BATF3: variants seen among roughly 807,000 people sequenced by gnomAD.
BATF3 encodes the protein basic leucine zipper transcriptional factor ATF-like 3.
Under a neutral mutation model 16.1 loss-of-function variants are expected in BATF3, and 8 were observed. The ratio of observed to expected loss-of-function variants is 0.50; its 90% CI spans 0.29 to 0.90. The LOEUF (loss-of-function observed/expected upper bound fraction) is 0.90. BATF3 is among the 40% of genes least tolerant of loss of function. BATF3 has a pLI of 0.08. For synonymous variants in BATF3, 74 were observed against 72.7 expected (o/e 1.02, Z -0.09); for missense variants, 139 against 167.0 (o/e 0.83, Z 0.92).
rs1433353468 is a variant in BATF3, at chr1:212,699,782, C to T, written c.-20G>A. ...CGACATGCCGGGCGCTCCTCTGGCCCGGCCCGCCCCGCCCCGCCCGCGCGC... is the reference window on the plus strand; with the variant it reads ...CGACATGCCGGGCGCTCCTCTGGCCTGGCCCGCCCCGCCCCGCCCGCGCGC... On this transcript the variant is annotated 5_prime_UTR_variant, in exon 1 of 3. Transcript: ENST00000243440. The surrounding 1 kb of genome is among the most constrained non-coding windows in gnomAD (Gnocchi z 4.4). The T allele has an allele frequency of 1.1e-5, 13 of 1,196,136 alleles. No individual in the cohort carries two copies. The highest frequency in any genetic ancestry group is 1.3e-5 in the Non-Finnish European group (13 of 964,822). 74.1% of individuals were successfully genotyped at this position (1,196,136 alleles called of 1,614,324 possible). A position where few individuals can be genotyped will look rare whatever the true frequency, so the allele number is the denominator to read the frequency against.
In BATF3 at chr1:212,689,380, C is replaced by T. The variant is rs1034745994; in HGVS notation, c.196-2401G>A. On this transcript the variant is annotated intron_variant, in intron 2 of 2. Coordinates refer to ENST00000243440, the MANE Select transcript of BATF3 (RefSeq NM_018664.3). The surrounding 1 kb of genome is among the most constrained non-coding windows in gnomAD (Gnocchi z 4.6). Reference sequence around the variant, plus strand: ...GCCTGTAGGGTCTATCTGAGCCATTCCCCAGGCAGGTTCCCAGGGTGGTCT... The same window carrying T: ...GCCTGTAGGGTCTATCTGAGCCATTTCCCAGGCAGGTTCCCAGGGTGGTCT... Among the ~76,000 whole-genome samples, 3 of 152,158 alleles carry T rather than the reference C, an allele frequency of 2.0e-5. No individual in the cohort carries two copies. Among genetic ancestry groups the T allele is most frequent in the Non-Finnish European group, 4.4e-5 (3 of 68,014 alleles).
In BATF3 at chr1:212,699,256, A is replaced by C. The variant is rs867631024; in HGVS notation, c.90+417T>G. Among the ~76,000 whole-genome samples, 9 of 151,170 alleles carry C rather than the reference A, an allele frequency of 6.0e-5. No individual in the cohort carries two copies. Among genetic ancestry groups the C allele is most frequent in the South Asian group, 4.2e-4 (2 of 4,784 alleles). On this transcript the variant is annotated intron_variant, in intron 1 of 2. Coordinates refer to ENST00000243440, the MANE Select transcript of BATF3 (RefSeq NM_018664.3). This position sits in a 1 kb window ranked among gnomAD's most constrained non-coding sequence, Gnocchi z 4.4. ...CGGCGTTCTCCATTCCCGCGGCAGC[A>C]CCCCCCCCACCCGGGGGAATCCTGG...
In BATF3 at chr1:212,699,834, C is replaced by T. The variant is rs995286337; in HGVS notation, c.-72G>A. On this transcript the variant is annotated 5_prime_UTR_variant, in exon 1 of 3. Coordinates refer to ENST00000243440, the MANE Select transcript of BATF3 (RefSeq NM_018664.3). The surrounding 1 kb of genome is among the most constrained non-coding windows in gnomAD (Gnocchi z 4.4). The stretch of plus-strand genomic sequence containing the variant: ...CTGCCCGTGGGGCTGCCTACGGGCG[C>T]TGTCCCGCCGCCGGCATCCTCGTGC... 30 of 970,738 alleles carry T rather than the reference C, an allele frequency of 3.1e-5. 1 individual carries two copies. The African/African-American group carries it at 4.7e-4, about 15-fold the overall frequency. The allele number at this position is 970,738 out of a possible 1,614,324, so 60.1% of individuals were successfully genotyped here. A position where few individuals can be genotyped will look rare whatever the true frequency, so the allele number is the denominator to read the frequency against.
In BATF3 at chr1:212,689,810, G is replaced by GAC. The variant is rs1341317457; in HGVS notation, c.196-2833_196-2832dup. Among the ~76,000 whole-genome samples, 2 of 146,762 alleles carry GAC rather than the reference G, an allele frequency of 1.4e-5. No individual in the cohort carries two copies. The highest frequency in any genetic ancestry group is 2.6e-5 in the African/African-American group (1 of 38,722). ...ACTCACACACTCTCATACACAGCCC[G>GAC]ACACACACACTCTCACACACACACA... On this transcript the variant is annotated intron_variant, in intron 2 of 2. Transcript: ENST00000243440. This position sits in a 1 kb window ranked among gnomAD's most constrained non-coding sequence, Gnocchi z 4.6.
chr1:212,691,529 C>T (rs60292092), intron 2 of BATF3, among the ~76,000 whole-genome samples: 8,198 of 152,272 alleles, frequency 0.054, 730 homozygotes, highest in African/African-American at 0.18. Context: ...TGATGCACTT[C>T]CCAGCAGAAA....
At chr1:212,694,365 C>G (rs1464240213) in intron 2 of BATF3, among the ~76,000 whole-genome samples, 3 of 152,030 alleles carry the variant, frequency 2.0e-5, no homozygotes, top group Non-Finnish European at 4.4e-5. Flanking sequence ...AACATCCTTT[C>G]CTTGGGAAAT....
rs893980568 is a variant in BATF3 at position 212,695,808 on chromosome 1, C to G, written c.195+1153G>C. On this transcript the variant is annotated intron_variant, in intron 2 of 2. Coordinates refer to ENST00000243440, the MANE Select transcript of BATF3 (RefSeq NM_018664.3). ...ATGGAGCAGCTCCACGTCCCAACTG[C>G]AGGATTATGCAGGTGTATGCATGAG... Among the ~76,000 whole-genome samples the G allele has an allele frequency of 2.6e-5, 4 of 152,140 alleles. No homozygotes were observed. The East Asian group carries it at 7.7e-4, about 29-fold the overall frequency.
At chr1:212,690,665 AG>A (rs1656980427) in intron 2 of BATF3, among the ~76,000 whole-genome samples, 2 of 152,332 alleles carry the variant, frequency 1.3e-5, no homozygotes, top group East Asian at 3.9e-4. Context: ...AAGCAAGCAA[AG>A]AACATTAAAC....
At chr1:212,693,401 T>TC (rs1657047953) in intron 2 of BATF3, among the ~76,000 whole-genome samples, 1 of 152,124 alleles carries the variant, frequency 6.6e-6, no homozygotes, top group African/African-American at 2.4e-5. Context: ...AGCTCTGGGG[T>TC]CTGTATACAG....
At chr1:212,687,967 A>AAAGAAAGAAAGAAAG (rs1571831789) in intron 2 of BATF3, among the ~76,000 whole-genome samples, 3 of 99,720 alleles carry the variant, frequency 3.0e-5, no homozygotes, top group East Asian at 2.9e-4. Context: ...GAAAGAAAAA[A>AAAGAAAGAAAGAAAG]AAAGAAAGAA....
rs147831041 is a variant in BATF3, at chr1:212,696,239, C to T, written c.195+722G>A. The stretch of plus-strand genomic sequence containing the variant: ...ACAAAGAAATAGAGAAAAAAATCGG[C>T]GAAGAGGGTTAGGAAAACTAGGAAA... On this transcript the variant is annotated intron_variant, in intron 2 of 2. Coordinates refer to ENST00000243440, the MANE Select transcript of BATF3 (RefSeq NM_018664.3). 3.6e-3 allele frequency among the ~76,000 whole-genome samples: 544 copies of T among 151,860 alleles called. 3 individuals carry two copies. Among genetic ancestry groups the T allele is most frequent in the Non-Finnish European group, 6.0e-3 (405 of 67,970 alleles).
At chr1:212,695,583 CA>C (rs1409692274) in intron 2 of BATF3, among the ~76,000 whole-genome samples, 2 of 150,654 alleles carry the variant, frequency 1.3e-5, no homozygotes, top group African/African-American at 4.9e-5. Flanking sequence ...GTGGAGGCTG[CA>C]GCGAGCCATG....
rs753468159 is a variant in BATF3, at chr1:212,686,917, C to T, written c.258G>A (p.Glu86=). 6.2e-7 allele frequency: 1 copy of T among 1,614,150 alleles called. No individual in the cohort carries two copies. Among genetic ancestry groups the T allele is most frequent in the South Asian group, 1.1e-5 (1 of 91,076 alleles). ...GTGCCTCTGTCAGGTGCTTCAGCTCCTCTGTCAGCTTCCCGATCTCTCTCC... is the reference window on the plus strand; with the variant it reads ...GTGCCTCTGTCAGGTGCTTCAGCTCTTCTGTCAGCTTCCCGATCTCTCTCC... ...MLRREIGKLT[E]ELKHLTEALK... is the part of the protein sequence containing the mutation. Residue 86 remains glutamate (E), a synonymous_variant, in exon 3 of 3, where the codon GAG becomes GAA. Coordinates refer to ENST00000243440, the MANE Select transcript of BATF3 (RefSeq NM_018664.3).
intron 2 of BATF3, among the ~76,000 whole-genome samples, chr1:212,688,038 A>AGG: frequency 9.7e-5 from 14 of 143,686 alleles, no homozygotes; most frequent in Non-Finnish European, 3.0e-5. Flanking sequence ...GAAGGAAGGA[A>AGG]GGAGAGAGAA....
At position 212,689,993 on chromosome 1, in the gene BATF3, C is replaced by T. The variant is rs1027829204; in HGVS notation, c.196-3014G>A. On this transcript the variant is annotated intron_variant, in intron 2 of 2. Coordinates refer to ENST00000243440, the MANE Select transcript of BATF3 (RefSeq NM_018664.3). This position sits in a 1 kb window ranked among gnomAD's most constrained non-coding sequence, Gnocchi z 4.6. ...AGTCACACACATACAGTCATACACA[C>T]ATACATACACCTCACACAGTCACAC... is the stretch of plus-strand genomic sequence containing the variant. Among the ~76,000 whole-genome samples the T allele has an allele frequency of 6.6e-6, 1 of 151,800 alleles. No homozygotes were observed. Among genetic ancestry groups the T allele is most frequent in the South Asian group, 2.1e-4 (1 of 4,802 alleles).
chr1:212,699,699 G>A lies in BATF3; in HGVS notation c.64C>T (p.Gln22Ter). The change falls in exon 1 of 3, where the codon CAG (glutamine) becomes TAG (stop). Residue 22 changes from glutamine (Q) to a stop codon, truncating the protein, a stop_gained. Coordinates refer to ENST00000243440, the MANE Select transcript of BATF3 (RefSeq NM_018664.3). LOFTEE classifies it high-confidence loss of function. This position sits in a 1 kb window ranked among gnomAD's most constrained non-coding sequence, Gnocchi z 4.4. Reference sequence around the variant, plus strand: ...TGCTGCTGCGGCTGCGGCTGCGGCTGGTTCCCGGGCGCCGCGACGCTCCTC... The same window carrying A: ...TGCTGCTGCGGCTGCGGCTGCGGCTAGTTCCCGGGCGCCGCGACGCTCCTC... ...LQRSVAAPGN[Q>*]PQPQPQQQSP... 7.4e-7 allele frequency: 1 copy of A among 1,350,096 alleles called. No individual in the cohort carries two copies. The highest frequency in any genetic ancestry group is 9.6e-7 in the Non-Finnish European group (1 of 1,046,394). 83.6% of individuals were successfully genotyped at this position (1,350,096 alleles called of 1,614,324 possible). A position where few individuals can be genotyped will look rare whatever the true frequency, so the allele number is the denominator to read the frequency against.
Position 212,689,219 on chromosome 1 carries a change from G to T in BATF3, c.196-2240C>A, listed in dbSNP as rs1392283788. ...CTCTCCTCTACCCCCTGCCTGATGCGCCACAGCACCAGCACCTACATGCTC... is the reference window on the plus strand; with the variant it reads ...CTCTCCTCTACCCCCTGCCTGATGCTCCACAGCACCAGCACCTACATGCTC... On this transcript the variant is annotated intron_variant, in intron 2 of 2. Transcript: ENST00000243440. The surrounding 1 kb of genome is among the most constrained non-coding windows in gnomAD (Gnocchi z 4.6). Among the ~76,000 whole-genome samples, 2 of 152,092 alleles carry T rather than the reference G, an allele frequency of 1.3e-5. No homozygotes were observed. The highest frequency in any genetic ancestry group is 2.9e-5 in the Non-Finnish European group (2 of 68,016).
intron 1 of BATF3, chr1:212,697,989 T>TAACACAA (rs1185298885): frequency 6.6e-6 from 1 of 152,204 alleles, no homozygotes; most frequent in Non-Finnish European, 1.5e-5. Context: ...CAAATATTAA[T>TAACACAA]AACACAAAAA....
intron 2 of BATF3, chr1:212,687,420 CAAAT>C (rs1405082010): frequency 1.2e-5 from 2 of 168,104 alleles, no homozygotes; most frequent in Admixed American, 5.6e-5. Flanking sequence ...ATTGCACTAA[CAAAT>C]GAATGAAAAC....
Sources: allele counts gnomAD v4.1 joint callset (sites outside exome capture counted in the v4.1 genomes callset), GRCh38; gene constraint gnomAD v4.1.1; non-coding constraint Gnocchi (gnomAD v3.1); transcripts MANE v1.5; gene names NCBI Gene and HGNC (gene_info 2026-07-23, HGNC 2026-07-21).